The following KPNB1 variants were observed in gnomAD, a reference collection of about 807,000 sequenced individuals.
The protein encoded by KPNB1 is importin subunit beta-1.
KPNB1 carries 7 observed loss-of-function variants against 113.0 expected under a neutral mutation model. The observed-to-expected ratio is 0.06, with a 90% CI of 0.04 to 0.12. KPNB1 has a LOEUF of 0.12. KPNB1 is among the 10% of genes least tolerant of loss of function. The pLI is 1.00. For synonymous variants in KPNB1, 363 were observed against 378.6 expected (o/e 0.96, Z 0.48); for missense variants, 400 against 1,054.8 (o/e 0.38, Z 8.60).
rs114467042 is a variant in KPNB1, at chr17:47,682,295, G to A, written c.*-109G>A. 2.4e-3 allele frequency: 1,826 copies of A among 747,290 alleles called. 21 individuals carry two copies. In the African/African-American group the frequency reaches 0.029, roughly 12 times the overall value. 46.3% of individuals were successfully genotyped at this position (747,290 alleles called of 1,614,324 possible). On this transcript the variant is annotated intron_variant, in intron 21 of 21. Transcript: ENST00000290158. ...AAAGAGTGTCAATCCTTGAAATGTTGACAAATTCCATTCAGGCCTAGGAGC... is the reference window on the plus strand; with the variant it reads ...AAAGAGTGTCAATCCTTGAAATGTTAACAAATTCCATTCAGGCCTAGGAGC...
Position 47,674,673 on chromosome 17 carries a change from G to T in KPNB1, c.1803G>T (p.Leu601Phe). ...GGAAAGTGCAACATCAAGATGCTTT[G>T]CAGATCTCTGATGTGGTTATGGCCT... ...VLRKVQHQDA[L>F]QISDVVMASL... The change falls in exon 15 of 22, where the codon TTG becomes TTT. Residue 601 changes from leucine (L) to phenylalanine (F), a missense_variant. By Grantham distance (22) the Leu-to-Phe change is conservative. Around this residue, in one of 2 missense-constraint regions of KPNB1, gnomAD observed 115 missense variants for 427.9 expected, o/e 0.27. Transcript: ENST00000290158. 1 of 1,614,072 alleles carries T rather than the reference G, an allele frequency of 6.2e-7. No individual in the cohort carries two copies. Among genetic ancestry groups the T allele is most frequent in the Non-Finnish European group, 8.5e-7 (1 of 1,179,926 alleles).
chr17:47,654,369 T>G (rs1041967180), intron 3 of KPNB1, among the ~76,000 whole-genome samples: 5 of 150,572 alleles, frequency 3.3e-5, no homozygotes, highest in Non-Finnish European at 7.4e-5. Flanking sequence ...GAGCCAAGAT[T>G]GCGCATTGCA....
In KPNB1 at chr17:47,668,187, A is replaced by G; in HGVS notation, c.1001A>G (p.Asp334Gly). Residue 334 changes from aspartate to glycine, a missense_variant and splice_region_variant, in exon 10 of 22, where the codon GAC becomes GGC. Physicochemically the swap from Asp to Gly is moderately conservative, Grantham distance 94 (BLOSUM62 -1). Coordinates refer to ENST00000290158, the MANE Select transcript of KPNB1 (RefSeq NM_002265.6). ...PILTQTLTKQ[D>G]ENDDDDDWNP... ...ACTAGTGCCATATTCTTTCACCAGG[A>G]CGAAAATGATGATGACGATGACTGG... The G allele has an allele frequency of 6.2e-7, 1 of 1,613,088 alleles. No homozygotes were observed. The highest frequency in any genetic ancestry group is 8.5e-7 in the Non-Finnish European group (1 of 1,179,154).
rs1217599153 is a variant in KPNB1, at chr17:47,674,629, A to G, written c.1768-9A>G. ...ATCAACTGATCTTGAACTCTTACTC[A>G]TTTCACAGAATGTTCTTCGGAAAGT... On this transcript the variant is annotated splice_polypyrimidine_tract_variant and intron_variant, in intron 14 of 21. Coordinates refer to ENST00000290158, the MANE Select transcript of KPNB1 (RefSeq NM_002265.6). 4 of 1,611,838 alleles carry G rather than the reference A, an allele frequency of 2.5e-6. No homozygotes were observed. The African/African-American group carries it at 4.0e-5, about 16-fold the overall frequency.
chr17:47,672,017 CTT>C (rs11316050), intron 12 of KPNB1, among the ~76,000 whole-genome samples: 117 of 145,464 alleles, frequency 8.0e-4, no homozygotes, highest in Admixed American at 2.2e-3. Context: ...CAAAATCTTC[CTT>C]TTTTTTTTTT....
intron 5 of KPNB1, among the ~76,000 whole-genome samples, chr17:47,660,697 T>G (rs1203163613): frequency 6.6e-6 from 1 of 152,258 alleles, no homozygotes. Flanking sequence ...ACATTTGATG[T>G]GAATTTGCTA....
At chr17:47,651,847 T>G (rs2143080611) in intron 2 of KPNB1, among the ~76,000 whole-genome samples, 1 of 152,332 alleles carries the variant, frequency 6.6e-6, no homozygotes, top group South Asian at 2.1e-4. Flanking sequence ...GGAGTAGTTT[T>G]TGAGGCCTGT....
chr17:47,659,430 A>G (rs1448241199), intron 5 of KPNB1, among the ~76,000 whole-genome samples: 1 of 152,190 alleles, frequency 6.6e-6, no homozygotes, highest in African/African-American at 2.4e-5. Flanking sequence ...TTCTTTTAAG[A>G]TTGTGTGAAT....
At chr17:47,668,614 C>G (rs538969493) in intron 10 of KPNB1, among the ~76,000 whole-genome samples, 2 of 152,214 alleles carry the variant, frequency 1.3e-5, no homozygotes, top group African/African-American at 4.8e-5. Flanking sequence ...GTGAAAGAAG[C>G]CAAAAGAGAA....
chr17:47,675,720 A>G (rs1351323742), intron 15 of KPNB1, among the ~76,000 whole-genome samples: 2 of 152,188 alleles, frequency 1.3e-5, no homozygotes, highest in African/African-American at 4.8e-5. Context: ...GGGAAGCCAT[A>G]TCTGACTTAA....
chr17:47,669,959 A>G, intron 11 of KPNB1, 90 bp downstream of exon 11: 2 of 927,248 alleles, frequency 2.2e-6, no homozygotes, highest in Non-Finnish European at 3.4e-6. Context: ...AATCTGCCTC[A>G]CTGGAATGCT....
intron 21 of KPNB1, among the ~76,000 whole-genome samples, chr17:47,680,898 C>CT (rs1449185337): frequency 3.9e-5 from 6 of 152,208 alleles, no homozygotes; most frequent in African/African-American, 1.4e-4. Context: ...CTGAAATTCC[C>CT]TGAGTATTTT....
chr17:47,680,257 C>T, intron 20 of KPNB1, 123 bp downstream of exon 20: 1 of 790,376 alleles, frequency 1.3e-6, no homozygotes, highest in Non-Finnish European at 2.1e-6. Context: ...ACAGAGATTT[C>T]TTTGCAGAAC....
chr17:47,676,570 T>G (rs536257750), intron 16 of KPNB1, 79 bp downstream of exon 16: 4 of 1,052,408 alleles, frequency 3.8e-6, no homozygotes, highest in East Asian at 2.4e-5. Context: ...CAGGTTCTTA[T>G]AGCTTAAGTA....
chr17:47,659,760 AGCCAGGT>A (rs2030033864), intron 5 of KPNB1, among the ~76,000 whole-genome samples: 1 of 152,156 alleles, frequency 6.6e-6, no homozygotes. Flanking sequence ...CAGGATATAT[AGCCAGGT>A]GCTTTGGCAC....
Position 47,680,000 on chromosome 17 carries a change from A to G in KPNB1, c.2354-20A>G, listed in dbSNP as rs780486108. On this transcript the variant is annotated intron_variant, in intron 19 of 21. Coordinates refer to ENST00000290158, the MANE Select transcript of KPNB1 (RefSeq NM_002265.6). ...GCATGAGCCACCGCACCCGACCAATACCTTCTCTCTCTTTTATAGCGGATG... is the reference window on the plus strand; with the variant it reads ...GCATGAGCCACCGCACCCGACCAATGCCTTCTCTCTCTTTTATAGCGGATG... 1.9e-6 allele frequency: 3 copies of G among 1,561,638 alleles called. No individual in the cohort carries two copies. The highest frequency in any genetic ancestry group is 3.3e-5 in the Admixed American group (2 of 59,882).
chr17:47,651,516 T>C (rs1157893074), intron 2 of KPNB1: 1 of 219,312 alleles, frequency 4.6e-6, no homozygotes, highest in East Asian at 1.8e-4. Flanking sequence ...TTTTCATATG[T>C]GCCAATTTTT....
intron 19 of KPNB1, 52 bp downstream of exon 19, chr17:47,678,465 C>G (rs773223475): frequency 6.4e-6 from 8 of 1,257,060 alleles, no homozygotes; most frequent in Non-Finnish European, 9.3e-6. Flanking sequence ...TGCACTTAGC[C>G]AAGTGGGCTA....
rs751354685 is a variant in KPNB1, at chr17:47,673,003, C to T, written c.1548-15C>T. On this transcript the variant is annotated splice_polypyrimidine_tract_variant and intron_variant, in intron 12 of 21. Transcript: ENST00000290158. ...TTCATTTGAGGCTTTAAGATTTTCG[C>T]TGTGTTCTTTACAGACCTGATGGAC... is the stretch of plus-strand genomic sequence containing the variant. 3.7e-6 allele frequency: 6 copies of T among 1,600,536 alleles called. No homozygotes were observed. The highest frequency in any genetic ancestry group is 4.3e-6 in the Non-Finnish European group (5 of 1,175,056).
Sources: allele counts gnomAD v4.1 joint callset (sites outside exome capture counted in the v4.1 genomes callset), GRCh38; gene constraint gnomAD v4.1.1; regional missense constraint gnomAD v4.1.1; transcripts MANE v1.5; gene names NCBI Gene and HGNC (gene_info 2026-07-23, HGNC 2026-07-21).